The following GRIA4 variants were observed in gnomAD, a reference collection of about 807,000 sequenced individuals.
GRIA4 encodes glutamate ionotropic receptor AMPA type subunit 4.
Under a neutral mutation model 104.0 loss-of-function variants are expected in GRIA4, and 34 were observed. That is an observed-to-expected ratio of 0.33 (90% confidence interval 0.25 to 0.44). The LOEUF (loss-of-function observed/expected upper bound fraction) is 0.44, where lower values mean the gene tolerates loss of function less well. Ranked by LOEUF, GRIA4 falls within the 20% of genes least tolerant of loss-of-function variation. The pLI is 1.00. For synonymous variants in GRIA4, 386 were observed against 381.9 expected, an observed-to-expected ratio of 1.01 and a Z score of -0.13; for missense variants, 750 against 1,096.5, an observed-to-expected ratio of 0.68 and a Z score of 4.46.
chr11:105,610,302 G>C lies in GRIA4; in HGVS notation c.-217G>C, dbSNP rs1251792586. The C allele has an allele frequency of 6.6e-6, 1 of 152,486 alleles. No individual in the cohort carries two copies. Among genetic ancestry groups the C allele is most frequent in the Non-Finnish European group, 1.5e-5 (1 of 68,266 alleles). The allele number at this position is 152,486 out of a possible 1,614,324, so 9.4% of individuals were successfully genotyped here. A position where few individuals can be genotyped will look rare whatever the true frequency, so the allele number is the denominator to read the frequency against. On this transcript the variant is annotated 5_prime_UTR_variant, in exon 1 of 17. Transcript: ENST00000282499. ...GAAAACCAAGAGAGGGGCGCTGGGG[G>C]TGCCCATCCCCAGAGTCGGTCCCTC...
intron 10 of GRIA4, among the ~76,000 whole-genome samples, chr11:105,917,078 A>G (rs1947429399): frequency 6.6e-6 from 1 of 152,230 alleles, no homozygotes; most frequent in Admixed American, 6.5e-5. Context: ...CACCAATTTT[A>G]TAACCACATT....
At chr11:105,788,700 C>G (rs78469829) in intron 4 of GRIA4, among the ~76,000 whole-genome samples, 4,566 of 152,076 alleles carry the variant, frequency 0.03, 140 homozygotes, top group African/African-American at 0.077. Context: ...AATGAGTACA[C>G]ATGAACATAA....
intron 14 of GRIA4, among the ~76,000 whole-genome samples, chr11:105,958,785 G>A (rs903034348): frequency 6.6e-6 from 1 of 152,106 alleles, no homozygotes; most frequent in Non-Finnish European, 1.5e-5. Flanking sequence ...TCTTTCAGGA[G>A]CTCCTGCAAC....
chr11:105,820,948 T>A (rs1943553549), intron 4 of GRIA4, among the ~76,000 whole-genome samples: 1 of 152,144 alleles, frequency 6.6e-6, no homozygotes, highest in Non-Finnish European at 1.5e-5. Flanking sequence ...GAGCGAAAAC[T>A]TCCCTGATGG....
intron 3 of GRIA4, among the ~76,000 whole-genome samples, chr11:105,628,829 C>T (rs773787188): frequency 2.0e-5 from 3 of 152,038 alleles, no homozygotes; most frequent in Non-Finnish European, 4.4e-5. Context: ...GATAAAATCA[C>T]AGATTAGAAA....
intron 3 of GRIA4, among the ~76,000 whole-genome samples, chr11:105,675,022 A>G (rs555836882): frequency 3.3e-5 from 5 of 151,996 alleles, no homozygotes; most frequent in Admixed American, 2.6e-4. Context: ...TTAAGTACTA[A>G]GAGAGCTCCT....
At chr11:105,637,866 G>A (rs1951249369) in intron 3 of GRIA4, among the ~76,000 whole-genome samples, 1 of 152,164 alleles carries the variant, frequency 6.6e-6, no homozygotes, top group Non-Finnish European at 1.5e-5. Flanking sequence ...AAATGACCAT[G>A]AAGGAGGATG....
rs545065871 is a variant in GRIA4, at chr11:105,861,995, T to A, written c.488-29T>A. On this transcript the variant is annotated intron_variant, in intron 4 of 16. Coordinates refer to ENST00000282499, the MANE Select transcript of GRIA4 (RefSeq NM_000829.4). ...ATCATTAAAGGGGAGTAAAAGCATG[T>A]TTTTAGTAACTTTTTTTTTCCCCAA... 20 of 1,483,172 alleles carry A rather than the reference T, an allele frequency of 1.3e-5. No homozygotes were observed. The South Asian group carries it at 1.7e-4, about 13-fold the overall frequency. 91.9% of individuals were successfully genotyped at this position (1,483,172 alleles called of 1,614,324 possible). A position where few individuals can be genotyped will look rare whatever the true frequency, so the allele number is the denominator to read the frequency against.
At chr11:105,715,351 G>GAT (rs1195475335) in intron 3 of GRIA4, among the ~76,000 whole-genome samples, 1 of 152,104 alleles carries the variant, frequency 6.6e-6, no homozygotes, top group African/African-American at 2.4e-5. Context: ...TAGTACTAGA[G>GAT]ATATATCTTT....
chr11:105,868,306 A>G (rs1021714989), intron 5 of GRIA4, among the ~76,000 whole-genome samples: 1 of 152,192 alleles, frequency 6.6e-6, no homozygotes, highest in Non-Finnish European at 1.5e-5. Flanking sequence ...GTTTGAAGCA[A>G]AAGTAGAAGC....
intron 3 of GRIA4, among the ~76,000 whole-genome samples, chr11:105,668,248 C>T (rs981195856): frequency 7.2e-6 from 1 of 138,926 alleles, no homozygotes; most frequent in Non-Finnish European, 1.5e-5. Context: ...TATATATATA[C>T]TATATTATAT....
chr11:105,903,903 A>G lies in GRIA4; in HGVS notation c.975A>G (p.Arg325=). The change falls in exon 8 of 17, where the codon AGA becomes AGG. Residue 325 remains arginine (R), a synonymous_variant. Transcript: ENST00000282499. The stretch of plus-strand genomic sequence containing the variant: ...GGCAGAAAATTGATATCTCAAGGAG[A>G]GGAAATGCTGGGGATTGTCTGGCAA... ...LRRQKIDISR[R]GNAGDCLANP... 1 of 1,613,150 alleles carries G rather than the reference A, an allele frequency of 6.2e-7. No individual in the cohort carries two copies. Among genetic ancestry groups the G allele is most frequent in the South Asian group, 1.1e-5 (1 of 91,048 alleles).
chr11:105,675,931 AAT>A (rs1952521755), intron 3 of GRIA4, among the ~76,000 whole-genome samples: 1 of 151,810 alleles, frequency 6.6e-6, no homozygotes, highest in Non-Finnish European at 1.5e-5. Flanking sequence ...TGGCGTTAGT[AAT>A]TCCAAGGATA....
intron 3 of GRIA4, among the ~76,000 whole-genome samples, chr11:105,728,565 C>T (rs543640472): frequency 2.9e-4 from 44 of 152,242 alleles, no homozygotes; most frequent in African/African-American, 9.9e-4. Flanking sequence ...TTCTAAGCAC[C>T]ACATAGCACT....
intron 3 of GRIA4, among the ~76,000 whole-genome samples, chr11:105,624,596 T>C (rs1272143193): frequency 1.3e-5 from 2 of 152,134 alleles, no homozygotes; most frequent in Non-Finnish European, 2.9e-5. Context: ...GAAATTAGGT[T>C]ATCCTTGGTT....
intron 10 of GRIA4, among the ~76,000 whole-genome samples, chr11:105,917,786 G>C (rs911039285): frequency 6.7e-6 from 1 of 150,102 alleles, no homozygotes; most frequent in African/African-American, 2.5e-5. Context: ...TGTCTCTTTA[G>C]TGCATGTCTT....
chr11:105,686,795 T>C (rs1378767633), intron 3 of GRIA4, among the ~76,000 whole-genome samples: 1 of 152,204 alleles, frequency 6.6e-6, no homozygotes, highest in Non-Finnish European at 1.5e-5. Context: ...TATCTCACTG[T>C]AGTTTCGATT....
rs554649211 is a variant in GRIA4, at chr11:105,794,962, T to C, written c.487+41742T>C. On this transcript the variant is annotated intron_variant, in intron 4 of 16. Coordinates refer to ENST00000282499, the MANE Select transcript of GRIA4 (RefSeq NM_000829.4). ...TGCACACATCTGAGAAGACCATTTT[T>C]ACTCATAATGATTTTGAAACTGTTA... Among the ~76,000 whole-genome samples, 3 of 152,124 alleles carry C rather than the reference T, an allele frequency of 2.0e-5. No homozygotes were observed. The South Asian group carries it at 6.2e-4, about 32-fold the overall frequency.
chr11:105,847,477 C>CT, intron 4 of GRIA4, among the ~76,000 whole-genome samples: 1 of 152,146 alleles, frequency 6.6e-6, no homozygotes, highest in Non-Finnish European at 1.5e-5. Context: ...TAAAAAACCT[C>CT]TTTATCTCTA....
Sources: gnomAD v4.1 joint callset for allele counts (sites outside exome capture counted in the v4.1 genomes callset) on GRCh38, gnomAD v4.1.1 for gene constraint, MANE v1.5 for transcripts, NCBI Gene and HGNC (gene_info 2026-07-23, HGNC 2026-07-21) for gene names.